PEX14: variants seen among roughly 807,000 people sequenced by gnomAD.
The protein encoded by PEX14 is peroxisomal biogenesis factor 14.
In PEX14, 15 loss-of-function variants were observed where a neutral mutation model predicts 49.5. The observed-to-expected ratio is 0.30, with a 90% CI of 0.20 to 0.47. The LOEUF is 0.47. Among genes scored for constraint, PEX14 ranks in the 20% least tolerant of loss-of-function variants. The pLI is 1.00. For synonymous variants in PEX14, 210 were observed against 212.7 expected, an observed-to-expected ratio of 0.99 and a Z score of 0.11; for missense variants, 398 against 494.8, an observed-to-expected ratio of 0.80 and a Z score of 1.86.
chr1:10,527,640 G>A (rs938451977), intron 2 of PEX14, among the ~76,000 whole-genome samples: 6 of 151,532 alleles, frequency 4.0e-5, no homozygotes, highest in Non-Finnish European at 8.8e-5. Context: ...TTCTTATGGG[G>A]TGTTTGGTAG....
At chr1:10,577,641 G>A (rs1383052854) in intron 3 of PEX14, among the ~76,000 whole-genome samples, 3 of 107,396 alleles carry the variant, frequency 2.8e-5, no homozygotes, top group Admixed American at 1.2e-4. Context: ...ACCCAGGCTG[G>A]AGTCCAGTGG....
intron 2 of PEX14, among the ~76,000 whole-genome samples, chr1:10,516,061 T>C (rs747665739): frequency 1.3e-5 from 2 of 152,214 alleles, no homozygotes; most frequent in Non-Finnish European, 2.9e-5. Flanking sequence ...TTTTTCCCCT[T>C]TCTTCCAAAA....
At chr1:10,600,105 T>C (rs1012680228) in intron 4 of PEX14, among the ~76,000 whole-genome samples, 11 of 152,170 alleles carry the variant, frequency 7.2e-5, no homozygotes, top group Non-Finnish European at 1.3e-4. Flanking sequence ...GGAAAATAGC[T>C]CCATTTTGTT....
chr1:10,630,358 G>T lies in PEX14; in HGVS notation c.*371G>T. On this transcript the variant is annotated 3_prime_UTR_variant, in exon 9 of 9. Transcript: ENST00000356607. This position sits in a 1 kb window ranked among gnomAD's most constrained non-coding sequence, Gnocchi z 4.1. ...TCTTGACTACCGTGACACCACGCAT[G>T]GCCAGAGCTAGCGTCCCTACTGCCT... 3.2e-6 allele frequency: 1 copy of T among 316,922 alleles called. No homozygotes were observed. The highest frequency in any genetic ancestry group is 6.0e-6 in the Non-Finnish European group (1 of 167,382). 19.6% of individuals were successfully genotyped at this position (316,922 alleles called of 1,614,324 possible).
intron 4 of PEX14, among the ~76,000 whole-genome samples, chr1:10,601,607 C>T (rs555038558): frequency 5.3e-5 from 8 of 152,328 alleles, no homozygotes; most frequent in African/African-American, 2.4e-5. Context: ...CTGTCAGTGC[C>T]TTGCATGGGT....
intron 2 of PEX14, among the ~76,000 whole-genome samples, chr1:10,532,339 T>C (rs1024893861): frequency 4.1e-5 from 6 of 147,058 alleles, no homozygotes; most frequent in Non-Finnish European, 8.9e-5. Flanking sequence ...GAATTGGTGG[T>C]GGCAGGGTTG....
At chr1:10,625,484 A>C (rs927274202) in intron 7 of PEX14, among the ~76,000 whole-genome samples, 1 of 152,158 alleles carries the variant, frequency 6.6e-6, no homozygotes, top group Non-Finnish European at 1.5e-5. Flanking sequence ...TGAAAATGAC[A>C]ATCTTTCCAT....
chr1:10,484,088 G>T (rs1157835119), intron 1 of PEX14, among the ~76,000 whole-genome samples: 3 of 149,538 alleles, frequency 2.0e-5, no homozygotes, highest in African/African-American at 7.5e-5. Flanking sequence ...AAGTGAAGTG[G>T]CTCAGTCTTG....
At chr1:10,509,248 A>G (rs1641843867) in intron 2 of PEX14, among the ~76,000 whole-genome samples, 1 of 152,166 alleles carries the variant, frequency 6.6e-6, no homozygotes, top group South Asian at 2.1e-4. Context: ...GCGCCCGGCA[A>G]AGGCATGCCT....
Position 10,531,873 on chromosome 1 carries a change from C to G in PEX14, c.85-4340C>G, listed in dbSNP as rs150848128. On this transcript the variant is annotated intron_variant, in intron 2 of 8. Coordinates refer to ENST00000356607, the MANE Select transcript of PEX14 (RefSeq NM_004565.3). ...AGGCAGGCTCTGTCCTCCTGTCCCCCTCGTGCAGAAAATAAAGTGTGTATT... is the reference window on the plus strand; with the variant it reads ...AGGCAGGCTCTGTCCTCCTGTCCCCGTCGTGCAGAAAATAAAGTGTGTATT... 3.5e-3 allele frequency among the ~76,000 whole-genome samples: 533 copies of G among 152,256 alleles called. 3 individuals are homozygous for G. The highest frequency in any genetic ancestry group is 0.012 in the African/African-American group (507 of 41,542).
In PEX14 at chr1:10,495,793, A is replaced by C. The variant is rs1314147648; in HGVS notation, c.84+472A>C. Among the ~76,000 whole-genome samples the C allele has an allele frequency of 6.6e-6, 1 of 152,164 alleles. No individual in the cohort carries two copies. Among genetic ancestry groups the C allele is most frequent in the Non-Finnish European group, 1.5e-5 (1 of 68,028 alleles). The stretch of plus-strand genomic sequence containing the variant: ...GTCATTCCCAACGCTGTCTTCTTAG[A>C]CTATGGATAGGGAAGAGGCCTATTA... On this transcript the variant is annotated intron_variant, in intron 2 of 8. Transcript: ENST00000356607. This position sits in a 1 kb window ranked among gnomAD's most constrained non-coding sequence, Gnocchi z 4.2.
intron 2 of PEX14, among the ~76,000 whole-genome samples, chr1:10,526,298 A>G (rs2124464294): frequency 6.7e-6 from 1 of 149,260 alleles, no homozygotes; most frequent in Middle Eastern, 3.4e-3. Context: ...AGCTCGCTGC[A>G]GCCTCCACCT....
rs769295185 is a variant in PEX14 at position 10,629,585 on chromosome 1, A to G, written c.732A>G (p.Pro244=). 6 of 1,613,952 alleles carry G rather than the reference A, an allele frequency of 3.7e-6. No individual in the cohort carries two copies. In the South Asian group the frequency reaches 5.5e-5, roughly 15 times the overall value. The change falls in exon 9 of 9, where the codon CCA becomes CCG. Residue 244 remains proline, a synonymous_variant. Coordinates refer to ENST00000356607, the MANE Select transcript of PEX14 (RefSeq NM_004565.3). This position sits in a 1 kb window ranked among gnomAD's most constrained non-coding sequence, Gnocchi z 8.5. ...SAPKIPSWQI[P]VKSPSPSSPA... is the part of the protein sequence containing the mutation. Reference sequence around the variant, plus strand: ...CGAAGATCCCCTCCTGGCAGATCCCAGTCAAGTCACCGTCACCCTCCAGCC... The same window carrying G: ...CGAAGATCCCCTCCTGGCAGATCCCGGTCAAGTCACCGTCACCCTCCAGCC...
chr1:10,563,709 G>A (rs1470257764), intron 3 of PEX14, among the ~76,000 whole-genome samples: 1 of 152,130 alleles, frequency 6.6e-6, no homozygotes, highest in African/African-American at 2.4e-5. Context: ...TGTATCACGA[G>A]GTCAGGAGAT....
chr1:10,578,714 G>GGA (rs1640224593), intron 3 of PEX14, among the ~76,000 whole-genome samples: 1 of 152,142 alleles, frequency 6.6e-6, no homozygotes, highest in Non-Finnish European at 1.5e-5. Flanking sequence ...GAGTTGCAGT[G>GGA]GAGATAAGGA....
chr1:10,544,717 G>A (rs533474758), intron 3 of PEX14, among the ~76,000 whole-genome samples: 1 of 151,756 alleles, frequency 6.6e-6, no homozygotes, highest in Non-Finnish European at 1.5e-5. Context: ...ATCCTGGTTT[G>A]CAAGTATGCA....
At chr1:10,526,422 TTG>T (rs1638485648) in intron 2 of PEX14, among the ~76,000 whole-genome samples, 1 of 152,122 alleles carries the variant, frequency 6.6e-6, no homozygotes, top group South Asian at 2.1e-4. Flanking sequence ...TTTCACCATG[TTG>T]GTCAGGCTGG....
intron 3 of PEX14, among the ~76,000 whole-genome samples, chr1:10,559,724 A>G (rs904121933): frequency 1.3e-5 from 2 of 152,218 alleles, no homozygotes; most frequent in Non-Finnish European, 2.9e-5. Flanking sequence ...GTGATTATTT[A>G]TTCTACAGAA....
rs139973971 is a variant in PEX14 at position 10,570,327 on chromosome 1, AT to A, written c.170-28910del. Among the ~76,000 whole-genome samples the A allele has an allele frequency of 2.3e-3, 352 of 150,972 alleles. 2 individuals carry two copies. The highest frequency in any genetic ancestry group is 8.4e-3 in the African/African-American group (347 of 41,112). On this transcript the variant is annotated intron_variant, in intron 3 of 8. Transcript: ENST00000356607. Reference sequence around the variant, plus strand: ...TCCAAGCTTTTTTGTTTGTTTTTGGATGGCTGTTTTTCATTTTCTTTTTTGA... The same window carrying A: ...TCCAAGCTTTTTTGTTTGTTTTTGGAGGCTGTTTTTCATTTTCTTTTTTGA...
Sources: allele counts gnomAD v4.1 joint callset (sites outside exome capture counted in the v4.1 genomes callset), GRCh38; gene constraint gnomAD v4.1.1; non-coding constraint Gnocchi (gnomAD v3.1); transcripts MANE v1.5; gene names NCBI Gene and HGNC (gene_info 2026-07-23, HGNC 2026-07-21).